Variants in ERCC6L2 observed in about 807,000 individuals in gnomAD.
The protein encoded by ERCC6L2 is ERCC excision repair 6 like 2.
ERCC6L2 carries 77 observed loss-of-function variants against 132.0 expected under a neutral mutation model. That is an observed-to-expected ratio of 0.58 (90% CI 0.49 to 0.71). The LOEUF (loss-of-function observed/expected upper bound fraction) is 0.71. Among genes scored for constraint, ERCC6L2 ranks in the 30% least tolerant of loss-of-function variants. The pLI is 0.00. For missense variants in ERCC6L2, 1,542 were observed against 1,837.6 expected (o/e 0.84, Z 2.94); for synonymous variants, 583 against 632.4 (o/e 0.92, Z 1.17).
At chr9:95,908,473 C>T (rs902578516) in intron 4 of ERCC6L2, among the ~76,000 whole-genome samples, 4 of 152,152 alleles carry the variant, frequency 2.6e-5, no homozygotes, top group Non-Finnish European at 4.4e-5. Context: ...ATTCGAGCTT[C>T]CAGGATTGTG....
chr9:95,886,624 C>G (rs1359288311), intron 2 of ERCC6L2, among the ~76,000 whole-genome samples: 1 of 152,180 alleles, frequency 6.6e-6, no homozygotes, highest in African/African-American at 2.4e-5. Flanking sequence ...GATAAGTACT[C>G]ACTCTGGGCC....
intron 9 of ERCC6L2, among the ~76,000 whole-genome samples, chr9:95,927,111 C>T (rs975509857): frequency 2.0e-5 from 3 of 152,028 alleles, no homozygotes; most frequent in African/African-American, 4.8e-5. Flanking sequence ...AATGTTTACC[C>T]GATCCATAAC....
intron 2 of ERCC6L2, among the ~76,000 whole-genome samples, chr9:95,893,572 A>C (rs1243009987): frequency 6.6e-6 from 1 of 152,170 alleles, no homozygotes; most frequent in Non-Finnish European, 1.5e-5. Context: ...TGGTGAAACT[A>C]TCTGGCCCTT....
chr9:95,936,159 A>G (rs1191664435), intron 11 of ERCC6L2, among the ~76,000 whole-genome samples: 1 of 152,194 alleles, frequency 6.6e-6, no homozygotes, highest in African/African-American at 2.4e-5. Context: ...GATACTGGTT[A>G]GCTTTTAGTG....
chr9:95,897,944 G>T lies in ERCC6L2; in HGVS notation c.567G>T (p.Lys189Asn), dbSNP rs762471695. ...AGTTTTTACTAAGAAGTATGAAAAA[G>T]GAACCCCTTTCTTCTACAGCAAAAA... ...MPEFLLRSMK[K>N]EPLSSTAKKM... The change falls in exon 3 of 19, where the codon AAG (lysine) becomes AAT (asparagine). Residue 189 changes from lysine to asparagine, a missense_variant. Lys to Asn is a moderately conservative substitution (Grantham distance 94, BLOSUM62 0). Around this residue, in one of 4 missense-constraint regions of ERCC6L2, gnomAD observed 945 missense variants for 1,105.2 expected, o/e 0.86. Coordinates refer to ENST00000653738, the MANE Select transcript of ERCC6L2 (RefSeq NM_020207.7). 6.2e-7 allele frequency: 1 copy of T among 1,611,802 alleles called. No homozygotes were observed. Among genetic ancestry groups the T allele is most frequent in the South Asian group, 1.1e-5 (1 of 90,860 alleles).
intron 6 of ERCC6L2, among the ~76,000 whole-genome samples, chr9:95,917,222 A>T (rs191170725): frequency 1.8e-4 from 28 of 152,318 alleles, no homozygotes; most frequent in Non-Finnish European, 4.4e-5. Flanking sequence ...AACTTTTAGA[A>T]TTTGTAGGAA....
chr9:95,894,364 A>G (rs557958327), intron 2 of ERCC6L2, among the ~76,000 whole-genome samples: 1 of 152,298 alleles, frequency 6.6e-6, no homozygotes, highest in Non-Finnish European at 1.5e-5. Flanking sequence ...GCCATATTCT[A>G]CAAATTCAAC....
At chr9:96,036,303 T>C (rs964103925) in intron 19 of ERCC6L2, among the ~76,000 whole-genome samples, 4 of 152,216 alleles carry the variant, frequency 2.6e-5, no homozygotes, top group Non-Finnish European at 5.9e-5. Flanking sequence ...AATTTGTCCC[T>C]TTGTGTCTGG....
In ERCC6L2 at chr9:96,015,562, G is replaced by A. The variant is rs1307050160; in HGVS notation, c.*2359G>A. The stretch of plus-strand genomic sequence containing the variant: ...TGTAATCCCAGCACTTTGGGAGGCC[G>A]AGGCAGGCGGATCACAAGGTCATGA... On this transcript the variant is annotated 3_prime_UTR_variant, in exon 19 of 19. Transcript: ENST00000653738. 2.0e-5 allele frequency among the ~76,000 whole-genome samples: 3 copies of A among 151,570 alleles called. No homozygotes were observed. The highest frequency in any genetic ancestry group is 4.4e-5 in the Non-Finnish European group (3 of 67,912).
In ERCC6L2 at chr9:96,012,698, G is replaced by A. The variant is rs781557214; in HGVS notation, c.4148G>A (p.Arg1383His). 15 of 1,367,430 alleles carry A rather than the reference G, an allele frequency of 1.1e-5. No homozygotes were observed. The highest frequency in any genetic ancestry group is 4.5e-5 in the East Asian group (1 of 22,006). The allele number at this position is 1,367,430 out of a possible 1,614,324, so 84.7% of individuals were successfully genotyped here. ...SQASEDTVTS[R>H]SLNSESETRE... is the part of the protein sequence containing the mutation. Reference sequence around the variant, plus strand: ...GCATCCGAAGATACTGTGACATCCCGTTCTCTGAACAGTGAGTCTGAAACA... The same window carrying A: ...GCATCCGAAGATACTGTGACATCCCATTCTCTGAACAGTGAGTCTGAAACA... Residue 1383 changes from arginine to histidine, a missense_variant, in exon 19 of 19, where the codon CGT becomes CAT. Around this residue, in one of 4 missense-constraint regions of ERCC6L2, gnomAD observed 442 missense variants for 583.4 expected, o/e 0.76. Transcript: ENST00000653738.
At chr9:96,000,576 G>A (rs1209652331) in intron 17 of ERCC6L2, among the ~76,000 whole-genome samples, 1 of 152,124 alleles carries the variant, frequency 6.6e-6, no homozygotes, top group Admixed American at 6.5e-5. Flanking sequence ...AATATTTGTG[G>A]AATTAAAAGT....
chr9:95,932,841 A>C (rs1587930617), intron 11 of ERCC6L2, among the ~76,000 whole-genome samples: 3 of 152,328 alleles, frequency 2.0e-5, no homozygotes, highest in African/African-American at 4.8e-5. Flanking sequence ...TAAGTGTCTC[A>C]AATACCAGTC....
At chr9:95,905,724 T>A (rs1829000344) in intron 3 of ERCC6L2, among the ~76,000 whole-genome samples, 1 of 152,242 alleles carries the variant, frequency 6.6e-6, no homozygotes. Context: ...GTTCAGCATG[T>A]TGATTTTCTT....
intron 6 of ERCC6L2, among the ~76,000 whole-genome samples, chr9:95,919,456 AC>A (rs1223721087): frequency 2.0e-5 from 3 of 152,086 alleles, no homozygotes. Context: ...GCCACCCAGA[AC>A]CCCATGAGTT....
At chr9:96,008,778 T>A (rs1833938957) in intron 18 of ERCC6L2, among the ~76,000 whole-genome samples, 1 of 152,208 alleles carries the variant, frequency 6.6e-6, no homozygotes, top group South Asian at 2.1e-4. Context: ...CCTTGCTAGC[T>A]AGTCATGCTG....
intron 4 of ERCC6L2, among the ~76,000 whole-genome samples, chr9:95,911,457 TTAAA>T (rs1309583095): frequency 2.0e-5 from 3 of 152,136 alleles, no homozygotes; most frequent in Non-Finnish European, 4.4e-5. Context: ...GTTATAAATA[TTAAA>T]TAAGAATTCT....
chr9:95,923,551 A>G lies in ERCC6L2; in HGVS notation c.1533+172A>G, dbSNP rs1328311176. On this transcript the variant is annotated intron_variant, in intron 9 of 18. Transcript: ENST00000653738. ...ATTTACTAGGTCACTATGAACCCCG[A>G]ATACAGATGGTGTGCACTCGATAGG... 2.0e-5 allele frequency among the ~76,000 whole-genome samples: 3 copies of G among 152,188 alleles called. No individual in the cohort carries two copies. The East Asian group carries it at 5.8e-4, about 29-fold the overall frequency.
intron 15 of ERCC6L2, 138 bp downstream of exon 15, chr9:95,970,794 A>G (rs868805188): frequency 7.2e-5 from 30 of 417,056 alleles, no homozygotes; most frequent in African/African-American, 1.7e-4. Flanking sequence ...TCAGAGGACT[A>G]TGGATAAAAT....
rs1301440726 is a variant in ERCC6L2 at position 95,972,557 on chromosome 9, A to C, written c.2806A>C (p.Thr936Pro). ...ATCTGAGGATTCTGAAACAGAACAC[A>C]CTGTAAAAACAAGAAATAATGATAA... Reference protein sequence around the residue: ...EGSEDSETEHTVKTRNNDNSR... With the variant: ...EGSEDSETEHPVKTRNNDNSR... The change falls in exon 16 of 19, where the codon ACT becomes CCT. Residue 936 changes from threonine to proline, a missense_variant. Around this residue, in one of 4 missense-constraint regions of ERCC6L2, gnomAD observed 945 missense variants for 1,105.2 expected, o/e 0.86. Transcript: ENST00000653738. 3 of 1,289,694 alleles carry C rather than the reference A, an allele frequency of 2.3e-6. No individual in the cohort carries two copies. Among genetic ancestry groups the C allele is most frequent in the Non-Finnish European group, 3.0e-6 (3 of 988,822 alleles). The allele number at this position is 1,289,694 out of a possible 1,614,324, so 79.9% of individuals were successfully genotyped here.
Sources: allele counts gnomAD v4.1 joint callset (sites outside exome capture counted in the v4.1 genomes callset), GRCh38; gene constraint gnomAD v4.1.1; regional missense constraint gnomAD v4.1.1; transcripts MANE v1.5; gene names NCBI Gene and HGNC (gene_info 2026-07-23, HGNC 2026-07-21).